The following RERE variants were observed in gnomAD, a reference collection of about 807,000 sequenced individuals.
RERE encodes arginine-glutamic acid dipeptide repeats, also known as arginine-glutamic acid dipeptide repeats protein.
RERE carries 40 observed loss-of-function variants against 146.1 expected under a neutral mutation model. That is an observed-to-expected ratio of 0.27 (90% CI 0.21 to 0.36). RERE has a LOEUF of 0.36. Among genes scored for constraint, RERE ranks in the 10% least tolerant of loss-of-function variants. The probability of loss-of-function intolerance (pLI) is 1.00; values close to 1 mark genes in which losing one functional copy is unlikely to be tolerated. For synonymous variants in RERE, 1,003 were observed against 866.0 expected, an observed-to-expected ratio of 1.16 and a Z score of -2.78; for missense variants, 1,933 against 2,138.7, an observed-to-expected ratio of 0.90 and a Z score of 1.90.
chr1:8,477,326 A>G (rs1269658719), intron 10 of RERE, among the ~76,000 whole-genome samples: 1 of 152,246 alleles, frequency 6.6e-6, no homozygotes, highest in African/African-American at 2.4e-5. Flanking sequence ...AACTCTGGCC[A>G]CAGGGAGAAA....
At chr1:8,488,022 G>A (rs1200316522) in intron 10 of RERE, among the ~76,000 whole-genome samples, 3 of 150,624 alleles carry the variant, frequency 2.0e-5, no homozygotes, top group Middle Eastern at 6.8e-3. Context: ...AGGAGATCAC[G>A]TGAGCCAAGG....
chr1:8,731,967 T>C (rs770926084), intron 1 of RERE, among the ~76,000 whole-genome samples: 3 of 152,132 alleles, frequency 2.0e-5, no homozygotes, highest in Non-Finnish European at 2.9e-5. Context: ...CACGCCCGGC[T>C]AATTTTTTTG....
chr1:8,756,471 G>A (rs1018425280), intron 1 of RERE, among the ~76,000 whole-genome samples: 1 of 152,106 alleles, frequency 6.6e-6, no homozygotes, highest in Non-Finnish European at 1.5e-5. Flanking sequence ...GCATCTGAAG[G>A]GAGGAGAGCA....
intron 11 of RERE, among the ~76,000 whole-genome samples, chr1:8,451,118 T>C (rs1644385267): frequency 6.6e-6 from 1 of 152,184 alleles, no homozygotes; most frequent in Admixed American, 6.5e-5. Flanking sequence ...CTATCCATTA[T>C]GTCAACAATG....
intron 1 of RERE, among the ~76,000 whole-genome samples, chr1:8,707,149 T>C (rs1399509077): frequency 1.3e-5 from 2 of 152,184 alleles, no homozygotes; most frequent in Non-Finnish European, 2.9e-5. Context: ...AAAACAACCC[T>C]GTCAAGTTGA....
At chr1:8,788,626 G>A (rs1160774562) in intron 1 of RERE, among the ~76,000 whole-genome samples, 3 of 149,824 alleles carry the variant, frequency 2.0e-5, no homozygotes, top group Non-Finnish European at 4.4e-5. Flanking sequence ...GCCTCCCAAA[G>A]TGCTGGGATT....
chr1:8,774,868 T>C (rs1406404488), intron 1 of RERE, among the ~76,000 whole-genome samples: 1 of 151,686 alleles, frequency 6.6e-6, no homozygotes, highest in Non-Finnish European at 1.5e-5. Flanking sequence ...TCCTTAAAAT[T>C]ATTTCATTAT....
intron 1 of RERE, among the ~76,000 whole-genome samples, chr1:8,680,007 C>G (rs1638927893): frequency 6.6e-6 from 1 of 152,172 alleles, no homozygotes; most frequent in Non-Finnish European, 1.5e-5. Flanking sequence ...TAATGCAACA[C>G]TATGGTACTG....
chr1:8,590,070 T>C (rs925546918), intron 4 of RERE, among the ~76,000 whole-genome samples: 2 of 152,122 alleles, frequency 1.3e-5, no homozygotes, highest in Non-Finnish European at 2.9e-5. Context: ...ACTAAGTCAG[T>C]CCCTTGCAGG....
intron 1 of RERE, among the ~76,000 whole-genome samples, chr1:8,678,546 A>G (rs1490556383): frequency 6.6e-6 from 1 of 151,166 alleles, no homozygotes; most frequent in Non-Finnish European, 1.5e-5. Context: ...CTACTCGGGA[A>G]GCTGAGGCAG....
intron 1 of RERE, among the ~76,000 whole-genome samples, chr1:8,669,234 C>A (rs955009611): frequency 1.3e-5 from 2 of 151,900 alleles, no homozygotes; most frequent in African/African-American, 4.8e-5. Context: ...TGCCACCACA[C>A]CCGGCTAATT....
chr1:8,517,206 A>AG (rs368205378), intron 7 of RERE, among the ~76,000 whole-genome samples: 3 of 152,122 alleles, frequency 2.0e-5, no homozygotes, highest in South Asian at 2.1e-4. Flanking sequence ...AGTCAAATGA[A>AG]GGGGGGGATA....
chr1:8,704,078 C>T (rs1050839848), intron 1 of RERE, among the ~76,000 whole-genome samples: 1 of 152,178 alleles, frequency 6.6e-6, no homozygotes, highest in Non-Finnish European at 1.5e-5. Flanking sequence ...TTTAAATAAA[C>T]ATATAACCTA....
At chr1:8,756,132 T>C (rs965934800) in intron 1 of RERE, among the ~76,000 whole-genome samples, 2 of 152,086 alleles carry the variant, frequency 1.3e-5, no homozygotes, top group African/African-American at 4.8e-5. Context: ...CCATCTCCAC[T>C]AAACATTTTT....
intron 1 of RERE, among the ~76,000 whole-genome samples, chr1:8,692,618 G>A (rs964623890): frequency 6.6e-6 from 1 of 151,944 alleles, no homozygotes; most frequent in African/African-American, 2.4e-5. Context: ...CAAAGTGCTG[G>A]GATTACAGGC....
chr1:8,488,735 G>T (rs956597853), intron 10 of RERE, among the ~76,000 whole-genome samples: 1 of 152,034 alleles, frequency 6.6e-6, no homozygotes, highest in African/African-American at 2.4e-5. Flanking sequence ...AGACAGAATA[G>T]AATCCAGAAA....
Position 8,360,864 on chromosome 1 carries a change from G to C in RERE, c.2643C>G (p.Gly881=). The change falls in exon 18 of 23, where the codon GGC becomes GGG. Residue 881 remains glycine (G), a synonymous_variant. Coordinates refer to ENST00000400908, the MANE Select transcript of RERE (RefSeq NM_001042681.2). The stretch of plus-strand genomic sequence containing the variant: ...CTGGGGAGGTCCCCAGAGGGGCCTG[G>C]CCTTGGGAGGCCTGGGGAGGGAGGC... The part of the protein sequence containing the change: ...PFGLPPQASQ[G]QAPLGTSPAA... 6.5e-7 allele frequency: 1 copy of C among 1,529,644 alleles called. No homozygotes were observed. 94.8% of individuals were successfully genotyped at this position (1,529,644 alleles called of 1,614,324 possible). A position where few individuals can be genotyped will look rare whatever the true frequency, so the allele number is the denominator to read the frequency against.
intron 4 of RERE, among the ~76,000 whole-genome samples, chr1:8,603,686 T>A (rs1322290952): frequency 2.0e-5 from 3 of 152,174 alleles, no homozygotes; most frequent in Non-Finnish European, 4.4e-5. Context: ...ACAAAAACTA[T>A]TTTTGAAGTA....
chr1:8,388,396 T>A (rs1021878885), intron 12 of RERE, among the ~76,000 whole-genome samples: 4 of 151,550 alleles, frequency 2.6e-5, no homozygotes, highest in Non-Finnish European at 4.4e-5. Context: ...CTCGGCTCAC[T>A]GCAAGCTCCG....
Sources: allele counts gnomAD v4.1 joint callset (sites outside exome capture counted in the v4.1 genomes callset), GRCh38; gene constraint gnomAD v4.1.1; transcripts MANE v1.5; gene names NCBI Gene and HGNC (gene_info 2026-07-23, HGNC 2026-07-21).